DLG5: variants seen among roughly 807,000 people sequenced by gnomAD.
DLG5 encodes the protein discs large MAGUK scaffold protein 5, also known as disks large homolog 5.
Under a neutral mutation model 189.8 loss-of-function variants are expected in DLG5, and 48 were observed. The ratio of observed to expected loss-of-function variants is 0.25; its 90% CI spans 0.20 to 0.32. The LOEUF is 0.32. DLG5 is among the 10% of genes least tolerant of loss of function. The pLI, the probability that DLG5 is intolerant of heterozygous loss-of-function variation, is 1.00. For missense variants in DLG5, 2,160 were observed against 2,544.7 expected (o/e 0.85, Z 3.25); for synonymous variants, 1,016 against 1,054.1 (o/e 0.96, Z 0.70).
chr10:77,871,632 T>C lies in DLG5; in HGVS notation c.305-2435A>G, dbSNP rs193263900. 4.0e-3 allele frequency among the ~76,000 whole-genome samples: 525 copies of C among 130,360 alleles called. 2 individuals carry two copies. Among genetic ancestry groups the C allele is most frequent in the African/African-American group, 0.014 (484 of 34,464 alleles). 85.5% of individuals were successfully genotyped at this position (130,360 alleles called of 152,430 possible). ...ATCTCGGCTCACTGCAACCTCCACC[T>C]CCTGGGTTCAAGCGATTCTCCTGCC... is the stretch of plus-strand genomic sequence containing the variant. On this transcript the variant is annotated intron_variant, in intron 1 of 31. Transcript: ENST00000372391.
intron 7 of DLG5, among the ~76,000 whole-genome samples, chr10:77,839,985 G>A (rs556307490): frequency 6.0e-4 from 92 of 152,292 alleles, no homozygotes; most frequent in African/African-American, 1.9e-3. Flanking sequence ...AATAATGAAT[G>A]CCCATCTCAA....
intron 1 of DLG5, among the ~76,000 whole-genome samples, chr10:77,871,935 G>A (rs539280722): frequency 1.3e-5 from 2 of 151,996 alleles, no homozygotes; most frequent in African/African-American, 2.4e-5. Context: ...AATGCAATTC[G>A]GGCAATCCAT....
intron 1 of DLG5, among the ~76,000 whole-genome samples, chr10:77,906,196 C>A (rs990681242): frequency 6.6e-6 from 1 of 152,202 alleles, no homozygotes; most frequent in African/African-American, 2.4e-5. Flanking sequence ...TTTGCTGGTA[C>A]CCTGCCAGAG....
intron 18 of DLG5, among the ~76,000 whole-genome samples, chr10:77,817,471 T>C (rs1200909388): frequency 6.6e-6 from 1 of 152,110 alleles, no homozygotes; most frequent in Admixed American, 6.5e-5. Flanking sequence ...TGAAGAGCCA[T>C]ACAAAACAGT....
rs924854890 is a variant in DLG5 at position 77,819,416 on chromosome 10, C to A, written c.3576G>T (p.Leu1192=). ...LTPSTTVSSI[L]RNPIYTVRSH... ...TGCGCACAGTGTAGATGGGGTTCCG[C>A]AGGATGGAGCTCACAGTGGTGCTGG... The change falls in exon 17 of 32, where the codon CTG becomes CTT. Residue 1192 remains leucine, a synonymous_variant. Transcript: ENST00000372391. 2 of 1,613,868 alleles carry A rather than the reference C, an allele frequency of 1.2e-6. No individual in the cohort carries two copies. Among genetic ancestry groups the A allele is most frequent in the Admixed American group, 3.3e-5 (2 of 59,990 alleles).
At chr10:77,910,349 T>A (rs556923020) in intron 1 of DLG5, among the ~76,000 whole-genome samples, 1 of 152,214 alleles carries the variant, frequency 6.6e-6, no homozygotes, top group Admixed American at 6.5e-5. Flanking sequence ...AGTGTGCCCA[T>A]CTGTAAAAGA....
At chr10:77,916,407 C>T (rs1196900482) in intron 1 of DLG5, among the ~76,000 whole-genome samples, 1 of 152,098 alleles carries the variant, frequency 6.6e-6, no homozygotes, top group African/African-American at 2.4e-5. Context: ...TCTCCTGCCT[C>T]AGCCTCCCAA....
chr10:77,824,395 A>T lies in DLG5; in HGVS notation c.2371T>A (p.Ser791Thr), dbSNP rs769161800. 1.2e-6 allele frequency: 2 copies of T among 1,612,892 alleles called. No homozygotes were observed. Among genetic ancestry groups the T allele is most frequent in the Admixed American group, 1.7e-5 (1 of 60,026 alleles). ...GGTCCAGCCCTTACCTTCAGGAGGG[A>T]CAGGGTCAGGGAGTCCTGGCAGCTG... is the stretch of plus-strand genomic sequence containing the variant. ...LRSCQDSLTL[S>T]LLKVFPQSSS... Residue 791 changes from serine (S) to threonine (T), a missense_variant, in exon 14 of 32, where the codon TCC becomes ACC. Transcript: ENST00000372391.
intron 2 of DLG5, among the ~76,000 whole-genome samples, chr10:77,861,283 A>G (rs543209023): frequency 4.9e-4 from 75 of 152,376 alleles, no homozygotes; most frequent in Non-Finnish European, 9.3e-4. Flanking sequence ...TGGCTATTCT[A>G]TGCTATAGTC....
At chr10:77,909,774 C>G (rs1316633106) in intron 1 of DLG5, among the ~76,000 whole-genome samples, 4 of 152,138 alleles carry the variant, frequency 2.6e-5, no homozygotes, top group African/African-American at 7.2e-5. Flanking sequence ...GAGAAGGACT[C>G]AAAACCAGCA....
chr10:77,841,782 C>G (rs1200412122), intron 7 of DLG5, 99 bp downstream of exon 7: 1 of 1,406,332 alleles, frequency 7.1e-7, no homozygotes, highest in East Asian at 2.3e-5. Context: ...TTTACTCCAA[C>G]TCAGGAGGCT....
chr10:77,793,844 C>T, intron 31 of DLG5, 164 bp downstream of exon 31: 1 of 634,038 alleles, frequency 1.6e-6, no homozygotes, highest in Non-Finnish European at 2.8e-6. Flanking sequence ...TGACGTTGGC[C>T]AGGGACTGCA....
intron 29 of DLG5, among the ~76,000 whole-genome samples, chr10:77,795,583 AG>A (rs1840869743): frequency 6.6e-6 from 1 of 152,060 alleles, no homozygotes; most frequent in African/African-American, 2.4e-5. Flanking sequence ...TTGCCCCACC[AG>A]CACTCCCCAC....
At chr10:77,930,494 C>T (rs1846776622), upstream of DLG5, among the ~76,000 whole-genome samples, 1 of 151,378 alleles carries the variant, frequency 6.6e-6, no homozygotes, top group Non-Finnish European at 1.5e-5. Context: ...ACTACAGGTG[C>T]ACACCACCAA....
upstream of DLG5, chr10:77,926,981 C>T (rs1376884068): frequency 1.1e-5 from 4 of 374,838 alleles, no homozygotes; most frequent in Non-Finnish European, 2.2e-5. This position sits in a 1 kb window ranked among gnomAD's most constrained non-coding sequence, Gnocchi z 5.2. Flanking sequence ...GCCGTGTTTC[C>T]CAGGCTCCCG....
rs768377778 is a variant in DLG5 at position 77,807,872 on chromosome 10, C to T, written c.4720G>A (p.Val1574Ile). Residue 1574 changes from valine to isoleucine, a missense_variant, in exon 25 of 32, where the codon GTC (valine) becomes ATC (isoleucine). Transcript: ENST00000372391. ...GGGCGGTACTGCACCTTCAGGCGGA[C>T]GCCATCCCTGGGCTTCAGCATCTCC... The part of the protein sequence containing the change: ...YVEMLKPRDG[V>I]RLKVQYRPEE... 26 of 1,614,102 alleles carry T rather than the reference C, an allele frequency of 1.6e-5. No homozygotes were observed. The East Asian group carries it at 2.0e-4, about 12-fold the overall frequency.
intron 1 of DLG5, among the ~76,000 whole-genome samples, chr10:77,887,875 A>C (rs769171510): frequency 7.9e-5 from 12 of 152,236 alleles, no homozygotes; most frequent in Non-Finnish European, 1.6e-4. Flanking sequence ...GTGTGTGCTC[A>C]CAGCAGCAGC....
chr10:77,891,197 C>T (rs1022321835), intron 1 of DLG5, among the ~76,000 whole-genome samples: 1 of 152,182 alleles, frequency 6.6e-6, no homozygotes, highest in South Asian at 2.1e-4. Context: ...CTGGCTTCAC[C>T]TATGAGGCTG....
chr10:77,797,917 T>G (rs532988422), intron 27 of DLG5, among the ~76,000 whole-genome samples: 1 of 152,320 alleles, frequency 6.6e-6, no homozygotes, highest in East Asian at 1.9e-4. Context: ...CTGGGCATGG[T>G]GGCTCACGTC....
Sources: allele counts gnomAD v4.1 joint callset (sites outside exome capture counted in the v4.1 genomes callset), GRCh38; gene constraint gnomAD v4.1.1; non-coding constraint Gnocchi (gnomAD v3.1); transcripts MANE v1.5; gene names NCBI Gene and HGNC (gene_info 2026-07-23, HGNC 2026-07-21).